Variants in AASDH observed in about 807,000 individuals in gnomAD.
AASDH encodes beta-alanine-activating enzyme.
Under a neutral mutation model 102.3 loss-of-function variants are expected in AASDH, and 81 were observed. That is an observed-to-expected ratio of 0.79 (90% CI 0.66 to 0.95). The LOEUF is 0.95. Ranked by LOEUF, AASDH falls within the 40% of genes least tolerant of loss-of-function variation. AASDH has a pLI of 0.00. For missense variants in AASDH, 1,203 were observed against 1,266.2 expected, an observed-to-expected ratio of 0.95 and a Z score of 0.76; for synonymous variants, 398 against 454.0, an observed-to-expected ratio of 0.88 and a Z score of 1.57.
chr4:56,381,336 C>T (rs1752923639), intron 3 of AASDH, among the ~76,000 whole-genome samples: 1 of 151,946 alleles, frequency 6.6e-6, no homozygotes, highest in African/African-American at 2.4e-5. Flanking sequence ...TTTGGGAGGT[C>T]GGGGCAGGCA....
intron 5 of AASDH, among the ~76,000 whole-genome samples, chr4:56,358,238 C>A (rs1749851443): frequency 6.6e-6 from 1 of 151,850 alleles, no homozygotes; most frequent in African/African-American, 2.4e-5. Context: ...TAGTAGTCCT[C>A]CTCACCAGCC....
intron 5 of AASDH, among the ~76,000 whole-genome samples, chr4:56,363,473 A>C (rs1750579387): frequency 6.6e-6 from 1 of 152,212 alleles, no homozygotes; most frequent in South Asian, 2.1e-4. Context: ...AGGCACCCCC[A>C]GTAGGGGCGG....
At position 56,353,524 on chromosome 4, in the gene AASDH, T is replaced by G. The variant is rs750146172; in HGVS notation, c.1456A>C (p.Met486Leu). 1 of 1,613,698 alleles carries G rather than the reference T, an allele frequency of 6.2e-7. No individual in the cohort carries two copies. The highest frequency in any genetic ancestry group is 1.1e-5 in the South Asian group (1 of 91,062). ...WYNQEKLILF[M>L]VSKDASVKEY... ...TTTACTGAAGCATCTTTAGACACCA[T>G]GAAGAGAATTAATTTTTCCTGATTA... is the stretch of plus-strand genomic sequence containing the variant. The change falls in exon 9 of 15, where the codon ATG (methionine) becomes CTG (leucine). Residue 486 changes from methionine (M) to leucine (L), a missense_variant. By Grantham distance (15) the Met-to-Leu change is conservative (BLOSUM62 2). Transcript: ENST00000205214.
At chr4:56,360,526 T>C (rs945672049) in intron 5 of AASDH, among the ~76,000 whole-genome samples, 1 of 152,254 alleles carries the variant, frequency 6.6e-6, no homozygotes, top group Non-Finnish European at 1.5e-5. Context: ...GAAGTTCCAC[T>C]ATTTTTACAC....
intron 2 of AASDH, 99 bp from the exon 3 acceptor site, chr4:56,382,696 A>C: frequency 7.1e-7 from 1 of 1,404,162 alleles, no homozygotes. Context: ...TTTTTGTAGC[A>C]GCATAAAAAT....
chr4:56,341,389 C>CTTTTT lies in AASDH; in HGVS notation c.2907+1441_2907+1445dup, dbSNP rs575687659. On this transcript the variant is annotated intron_variant, in intron 14 of 14. Transcript: ENST00000205214. ...CATGGATGGAACTGGAGACTTTTAT[C>CTTTTT]TTTTTTTTTTTTTTTTTTTTTGGAG... 1.5e-4 allele frequency among the ~76,000 whole-genome samples: 14 copies of CTTTTT among 92,416 alleles called. 1 individual carries two copies. Among genetic ancestry groups the CTTTTT allele is most frequent in the Non-Finnish European group, 2.0e-4 (10 of 49,570 alleles). 60.6% of individuals were successfully genotyped at this position (92,416 alleles called of 152,430 possible).
chr4:56,341,389 C>CTTTTTTTTTTTTTTTTTTTTTTTTTT (rs575687659), intron 14 of AASDH, among the ~76,000 whole-genome samples: 1 of 92,416 alleles, frequency 1.1e-5, no homozygotes, highest in Non-Finnish European at 2.0e-5. Context: ...AGACTTTTAT[C>CTTTTTTTTTTTTTTTTTTTTTTTTTT]TTTTTTTTTT....
intron 6 of AASDH, 86 bp from the exon 7 acceptor site, chr4:56,354,897 TA>T: frequency 8.7e-7 from 1 of 1,148,646 alleles, no homozygotes; most frequent in South Asian, 1.7e-5. Flanking sequence ...CTGTACCAAA[TA>T]AAGAAAAAAA....
Position 56,345,223 on chromosome 4 carries a change from A to C in AASDH, c.2556T>G (p.Thr852=). The stretch of plus-strand genomic sequence containing the variant: ...TTGCCGAGCTTTTGACAGCATCTTC[A>C]GTAGTAAACATCCAGTATTTTTCTC... The part of the protein sequence containing the change: ...NSGEKYWMFT[T]EDAVKSSATM... The change falls in exon 12 of 15, where the codon ACT becomes ACG. Residue 852 remains threonine (T), a synonymous_variant. Coordinates refer to ENST00000205214, the MANE Select transcript of AASDH (RefSeq NM_181806.4). 6.2e-7 allele frequency: 1 copy of C among 1,613,978 alleles called. No homozygotes were observed. The highest frequency in any genetic ancestry group is 8.5e-7 in the Non-Finnish European group (1 of 1,179,828).
Position 56,353,429 on chromosome 4 carries a change from G to C in AASDH, c.1551C>G (p.Ile517Met). 3 of 1,609,628 alleles carry C rather than the reference G, an allele frequency of 1.9e-6. No individual in the cohort carries two copies. Among genetic ancestry groups the C allele is most frequent in the Non-Finnish European group, 2.5e-6 (3 of 1,178,594 alleles). The change falls in exon 9 of 15, where the codon ATC (isoleucine) becomes ATG (methionine). Residue 517 changes from isoleucine (I) to methionine (M), a missense_variant. Coordinates refer to ENST00000205214, the MANE Select transcript of AASDH (RefSeq NM_181806.4). ...SHAVPDELVLIDSLPFTSHGK... is the reference protein window; with the variant it reads ...SHAVPDELVLMDSLPFTSHGK... ...CGTGGGATGTAAATGGTAGAGAGTC[G>C]ATCAATACAAGCTCATCCGGGACTG... is the stretch of plus-strand genomic sequence containing the variant.
At chr4:56,364,015 A>G (rs1750670981) in intron 5 of AASDH, among the ~76,000 whole-genome samples, 1 of 152,242 alleles carries the variant, frequency 6.6e-6, no homozygotes, top group East Asian at 1.9e-4. Flanking sequence ...ACCAATGCAG[A>G]GAAGTCCTTA....
intron 10 of AASDH, 152 bp from the exon 11 acceptor site, chr4:56,350,210 T>A: frequency 1.3e-6 from 1 of 748,238 alleles, no homozygotes; most frequent in Non-Finnish European, 2.1e-6. Context: ...ATCCCAGTAC[T>A]CTGGGAGGCC....
chr4:56,362,942 G>A (rs893246728), intron 5 of AASDH, among the ~76,000 whole-genome samples: 10 of 152,220 alleles, frequency 6.6e-5, no homozygotes, highest in Non-Finnish European at 2.9e-5. Flanking sequence ...CACCTGGGAA[G>A]CGCCAAGGGG....
intron 14 of AASDH, among the ~76,000 whole-genome samples, chr4:56,339,145 TTTTA>T (rs1256453710): frequency 6.6e-6 from 1 of 150,378 alleles, no homozygotes; most frequent in Non-Finnish European, 1.5e-5. Flanking sequence ...TTTTTTTAAT[TTTTA>T]TTTATTATTA....
At position 56,351,629 on chromosome 4, in the gene AASDH, C is replaced by G. The variant is rs7666459; in HGVS notation, c.1577-172G>C. The stretch of plus-strand genomic sequence containing the variant: ...GTTGTCTGATACTACCAAGAATATA[C>G]AGAGAAATAGATGAGAAACAGGTCA... On this transcript the variant is annotated intron_variant, in intron 9 of 14. Transcript: ENST00000205214. 0.69 allele frequency among the ~76,000 whole-genome samples: 104,480 copies of G among 151,940 alleles called. 36,030 individuals are homozygous for G. The highest frequency in any genetic ancestry group is 0.76 in the South Asian group (3,675 of 4,812).
intron 5 of AASDH, among the ~76,000 whole-genome samples, chr4:56,367,284 C>T (rs1751129547): frequency 6.6e-6 from 1 of 151,304 alleles, no homozygotes; most frequent in South Asian, 2.1e-4. Flanking sequence ...TGACAATGGC[C>T]ATACTGCCCA....
Position 56,338,499 on chromosome 4 carries a change from A to C in AASDH, c.3200T>G (p.Val1067Gly). The C allele has an allele frequency of 1.2e-6, 2 of 1,613,846 alleles. No homozygotes were observed. The highest frequency in any genetic ancestry group is 1.7e-6 in the Non-Finnish European group (2 of 1,179,894). The change falls in exon 15 of 15, where the codon GTC becomes GGC. Residue 1067 changes from valine (V) to glycine (G), a missense_variant. Coordinates refer to ENST00000205214, the MANE Select transcript of AASDH (RefSeq NM_181806.4). Reference sequence around the variant, plus strand: ...TTCCAGGACCACAGGAGAAGAGAAGACTTCTCCAGGAAGTTCATAAACACT... The same window carrying C: ...TTCCAGGACCACAGGAGAAGAGAAGCCTTCTCCAGGAAGTTCATAAACACT... ...LQSVYELPGE[V>G]FSSPVVLESM...
rs1336351386 is a variant in AASDH at position 56,353,456 on chromosome 4, A to G, written c.1524T>C (p.His508=). Reference sequence around the variant, plus strand: ...TCAATACAAGCTCATCCGGGACTGCATGACTTGGAAGATATTTCTGCAGTT... The same window carrying G: ...TCAATACAAGCTCATCCGGGACTGCGTGACTTGGAAGATATTTCTGCAGTT... The part of the protein sequence containing the change: ...FKELQKYLPS[H]AVPDELVLID... The change falls in exon 9 of 15, where the codon CAT becomes CAC. Residue 508 remains histidine (H), a synonymous_variant. Transcript: ENST00000205214. The G allele has an allele frequency of 1.9e-6, 3 of 1,613,970 alleles. No homozygotes were observed. In the South Asian group the frequency reaches 3.3e-5, roughly 18 times the overall value.
chr4:56,384,053 G>A lies in AASDH; in HGVS notation c.230+17C>T. On this transcript the variant is annotated intron_variant, in intron 2 of 14. Coordinates refer to ENST00000205214, the MANE Select transcript of AASDH (RefSeq NM_181806.4). Reference sequence around the variant, plus strand: ...AGCTTGGAGTAACATCAAATTTACAGTTCTAAAAAATATTACCCTAAAATC... The same window carrying A: ...AGCTTGGAGTAACATCAAATTTACAATTCTAAAAAATATTACCCTAAAATC... 3.1e-6 allele frequency: 5 copies of A among 1,593,402 alleles called. No homozygotes were observed. Among genetic ancestry groups the A allele is most frequent in the Non-Finnish European group, 4.3e-6 (5 of 1,161,756 alleles).
Sources: allele counts gnomAD v4.1 joint callset (sites outside exome capture counted in the v4.1 genomes callset), GRCh38; gene constraint gnomAD v4.1.1; transcripts MANE v1.5; gene names NCBI Gene and HGNC (gene_info 2026-07-23, HGNC 2026-07-21).